CSE1L: variants seen among roughly 807,000 people sequenced by gnomAD.
The protein encoded by CSE1L is exportin-2.
Under a neutral mutation model 120.4 loss-of-function variants are expected in CSE1L, and 24 were observed. That is an observed-to-expected ratio of 0.20 (90% CI 0.14 to 0.28). The LOEUF (loss-of-function observed/expected upper bound fraction) is 0.28, where lower values mean the gene tolerates loss of function less well. Among genes scored for constraint, CSE1L ranks in the 10% least tolerant of loss-of-function variants. The probability of loss-of-function intolerance (pLI) is 1.00; values close to 1 mark genes in which losing one functional copy is unlikely to be tolerated. For synonymous variants in CSE1L, 402 were observed against 398.3 expected, an observed-to-expected ratio of 1.01 and a Z score of -0.11; for missense variants, 830 against 1,145.2, an observed-to-expected ratio of 0.72 and a Z score of 3.97.
chr20:49,066,058 A>C, intron 3 of CSE1L, 134 bp from the exon 4 acceptor site: 1 of 717,242 alleles, frequency 1.4e-6, no homozygotes, highest in South Asian at 1.9e-5. Flanking sequence ...AGGGAAACTG[A>C]AGAAAGACCA....
chr20:49,093,564 C>CT lies in CSE1L; in HGVS notation c.2448-560dup, dbSNP rs11477256. 2.5e-3 allele frequency among the ~76,000 whole-genome samples: 296 copies of CT among 117,502 alleles called. 1 individual carries two copies. In the East Asian group the frequency reaches 0.031, roughly 12 times the overall value. The allele number at this position is 117,502 out of a possible 152,430, so 77.1% of individuals were successfully genotyped here. A position where few individuals can be genotyped will look rare whatever the true frequency, so the allele number is the denominator to read the frequency against. ...CTTTTTTCCCTCCTTGCTCCTCTCT[C>CT]TTTTTTTTTTTTTTTTCTTTTTTTT... is the stretch of plus-strand genomic sequence containing the variant. On this transcript the variant is annotated intron_variant, in intron 22 of 24. Coordinates refer to ENST00000262982, the MANE Select transcript of CSE1L (RefSeq NM_001316.4).
intron 1 of CSE1L, among the ~76,000 whole-genome samples, chr20:49,050,768 A>C (rs2091761201): frequency 6.6e-6 from 1 of 151,864 alleles, no homozygotes; most frequent in Non-Finnish European, 1.5e-5. Context: ...ATTGTTGCCA[A>C]GTCTGGTCTT....
At chr20:49,050,805 T>C (rs6012591) in intron 1 of CSE1L, among the ~76,000 whole-genome samples, 54,793 of 151,744 alleles carry the variant, frequency 0.36, 10,717 homozygotes, top group African/African-American at 0.53. Flanking sequence ...CAAGTGATCG[T>C]CCCATCTCCA....
In CSE1L at chr20:49,089,633, C is replaced by T. The variant is rs1481900421; in HGVS notation, c.2068C>T (p.Leu690Phe). ...CTATATGGCCTTATTTCCTCATCTC[C>T]TTCAGCCAGTGCTTTGGGAAAGAAC... ...SSYMALFPHL[L>F]QPVLWERTGN... Residue 690 changes from leucine (L) to phenylalanine (F), a missense_variant, in exon 19 of 25, where the codon CTT becomes TTT. Transcript: ENST00000262982. 9 of 1,614,018 alleles carry T rather than the reference C, an allele frequency of 5.6e-6. No individual in the cohort carries two copies. In the Admixed American group the frequency reaches 1.5e-4, roughly 27 times the overall value.
chr20:49,089,431 A>G, intron 18 of CSE1L, 34 bp downstream of exon 18: 1 of 1,608,036 alleles, frequency 6.2e-7, no homozygotes, highest in Non-Finnish European at 8.5e-7. Flanking sequence ...TTTGTAATGG[A>G]ATAAAATTAA....
intron 2 of CSE1L, among the ~76,000 whole-genome samples, chr20:49,061,871 A>G (rs2091856079): frequency 6.6e-6 from 1 of 152,028 alleles, no homozygotes; most frequent in African/African-American, 2.4e-5. Flanking sequence ...CAGAGTATAA[A>G]AATAATCTGG....
intron 15 of CSE1L, among the ~76,000 whole-genome samples, chr20:49,084,593 T>C (rs1334363105): frequency 2.6e-5 from 4 of 152,184 alleles, no homozygotes; most frequent in Middle Eastern, 3.2e-3. Context: ...GTAACAGTTA[T>C]TTTCATGTGG....
At chr20:49,047,598 A>G (rs2123629495) in intron 1 of CSE1L, among the ~76,000 whole-genome samples, 1 of 48,884 alleles carries the variant, frequency 2.0e-5, no homozygotes, top group South Asian at 5.4e-4. Flanking sequence ...TTTTTGAGAG[A>G]GAGAGTCTCG....
chr20:49,082,980 C>T (rs1158829734), intron 14 of CSE1L, among the ~76,000 whole-genome samples: 2 of 151,972 alleles, frequency 1.3e-5, no homozygotes, highest in Non-Finnish European at 1.5e-5. Context: ...CCACCGTACC[C>T]ACCTACATCA....
intron 7 of CSE1L, among the ~76,000 whole-genome samples, chr20:49,069,646 TCTTA>T (rs1287442149): frequency 6.6e-6 from 1 of 152,248 alleles, no homozygotes; most frequent in African/African-American, 2.4e-5. Flanking sequence ...TTTGAGAAGT[TCTTA>T]CTTAAATGAG....
intron 10 of CSE1L, 22 bp downstream of exon 10, chr20:49,072,719 T>C (rs1328339882): frequency 1.9e-6 from 3 of 1,589,620 alleles, no homozygotes; most frequent in Non-Finnish European, 2.6e-6. Context: ...AAAAGTATAT[T>C]AGTATAAATC....
intron 1 of CSE1L, among the ~76,000 whole-genome samples, chr20:49,054,483 TAGAA>T (rs1568761604): frequency 6.6e-6 from 1 of 152,228 alleles, no homozygotes; most frequent in Non-Finnish European, 1.5e-5. Flanking sequence ...CCTTGGGTAA[TAGAA>T]AGAGGGTAGA....
At chr20:49,070,157 G>T in intron 7 of CSE1L, 48 bp from the exon 8 acceptor site, 1 of 881,140 alleles carries the variant, frequency 1.1e-6, no homozygotes, top group Non-Finnish European at 1.8e-6. Context: ...TAAAAGTGGT[G>T]TTCTTAATAT....
chr20:49,051,734 G>T lies in CSE1L; in HGVS notation c.-12+5311G>T, dbSNP rs188194465. Among the ~76,000 whole-genome samples, 195 of 152,344 alleles carry T rather than the reference G, an allele frequency of 1.3e-3. 3 individuals carry two copies. Among genetic ancestry groups the T allele is most frequent in the Middle Eastern group, 6.8e-3 (2 of 294 alleles). On this transcript the variant is annotated intron_variant, in intron 1 of 24. Transcript: ENST00000262982. ...TTTTTCAGAGACAGAGTCTTACTCT[G>T]TTGCCCAGATTGGAATGCAATGGCA... is the stretch of plus-strand genomic sequence containing the variant.
intron 22 of CSE1L, among the ~76,000 whole-genome samples, chr20:49,093,503 GTT>G (rs2092116388): frequency 6.7e-6 from 1 of 148,780 alleles, no homozygotes; most frequent in African/African-American, 2.5e-5. Context: ...ACCCAAAAAT[GTT>G]AAAACTAGTT....
chr20:49,084,155 G>A lies in CSE1L; in HGVS notation c.1612G>A (p.Ala538Thr), dbSNP rs1177584720. ...CTTTACTATGCGAGGGCCTAACAATGCCACTCTGTGAGTATTTTATTCTAA... is the reference window on the plus strand; with the variant it reads ...CTTTACTATGCGAGGGCCTAACAATACCACTCTGTGAGTATTTTATTCTAA... ...RLFTMRGPNN[A>T]TLFTAAEIAP... Residue 538 changes from alanine to threonine, a missense_variant, in exon 15 of 25, where the codon GCC (alanine) becomes ACC (threonine). This residue lies in a region of CSE1L where 543 missense variants were observed against 640.2 expected (regional missense o/e 0.85). Coordinates refer to ENST00000262982, the MANE Select transcript of CSE1L (RefSeq NM_001316.4). 1.9e-6 allele frequency: 3 copies of A among 1,613,866 alleles called. No homozygotes were observed. The highest frequency in any genetic ancestry group is 2.5e-6 in the Non-Finnish European group (3 of 1,179,856).
At chr20:49,070,151 A>C in intron 7 of CSE1L, 54 bp from the exon 8 acceptor site, 1 of 812,356 alleles carries the variant, frequency 1.2e-6, no homozygotes, top group Non-Finnish European at 2.0e-6. Flanking sequence ...AACTTATAAA[A>C]GTGGTGTTCT....
chr20:49,080,699 C>T (rs928577813), intron 14 of CSE1L, among the ~76,000 whole-genome samples: 5 of 152,066 alleles, frequency 3.3e-5, no homozygotes, highest in Non-Finnish European at 7.4e-5. Flanking sequence ...TGGTCTCGAA[C>T]CCCCTACCTC....
At chr20:49,084,202 G>T in intron 15 of CSE1L, 40 bp downstream of exon 15, 1 of 1,600,194 alleles carries the variant, frequency 6.2e-7, no homozygotes. Context: ...CTGGGGTAGG[G>T]GCTGTACTGT....
Sources: allele counts gnomAD v4.1 joint callset (sites outside exome capture counted in the v4.1 genomes callset), GRCh38; gene constraint gnomAD v4.1.1; regional missense constraint gnomAD v4.1.1; transcripts MANE v1.5; gene names NCBI Gene and HGNC (gene_info 2026-07-23, HGNC 2026-07-21).